The following CIITA variants were observed in gnomAD, a reference collection of about 807,000 sequenced individuals.
CIITA encodes the protein class II major histocompatibility complex transactivator.
Under a neutral mutation model 115.1 loss-of-function variants are expected in CIITA, and 72 were observed. The ratio of observed to expected loss-of-function variants is 0.63; its 90% CI spans 0.52 to 0.76. The LOEUF is 0.76. Ranked by LOEUF, CIITA falls within the 30% of genes least tolerant of loss-of-function variation. CIITA has a pLI of 0.00. For synonymous variants in CIITA, 763 were observed against 635.6 expected, an observed-to-expected ratio of 1.20 and a Z score of -3.02; for missense variants, 1,617 against 1,463.8, an observed-to-expected ratio of 1.10 and a Z score of -1.71.
intron 8 of CIITA, among the ~76,000 whole-genome samples, chr16:10,903,144 T>C (rs1017144952): frequency 1.3e-5 from 2 of 152,254 alleles, no homozygotes; most frequent in Admixed American, 1.3e-4. Flanking sequence ...AAGTGATGTT[T>C]ACAAGAATTC....
At position 10,906,649 on chromosome 16, in the gene CIITA, A is replaced by G. The variant is rs771846946; in HGVS notation, c.1157A>G (p.Asp386Gly). 1.9e-6 allele frequency: 3 copies of G among 1,613,860 alleles called. No homozygotes were observed. The highest frequency in any genetic ancestry group is 1.1e-5 in the South Asian group (1 of 91,078). Residue 386 changes from aspartate (D) to glycine (G), a missense_variant, in exon 11 of 20, where the codon GAC becomes GGC. Coordinates refer to ENST00000324288, the MANE Select transcript of CIITA (RefSeq NM_000246.4). ...KSLERELATP[D>G]WAERQLAQGG... ...CTGGAGCGGGAACTGGCCACCCCGG[A>G]CTGGGCAGAACGGCAGCTGGCCCAA...
In CIITA at chr16:10,879,816, C is replaced by T. The variant is rs2036237049; in HGVS notation, c.52+2434C>T. Among the ~76,000 whole-genome samples, 1 of 152,144 alleles carries T rather than the reference C, an allele frequency of 6.6e-6. No individual in the cohort carries two copies. Among genetic ancestry groups the T allele is most frequent in the South Asian group, 2.1e-4 (1 of 4,828 alleles). On this transcript the variant is annotated intron_variant, in intron 1 of 19. Coordinates refer to ENST00000324288, the MANE Select transcript of CIITA (RefSeq NM_000246.4). The surrounding 1 kb of genome is among the most constrained non-coding windows in gnomAD (Gnocchi z 4.3). ...CCCTGGGGTCCAGGAAAGCCGGAAT[C>T]GGAGCCACCATGCTTAGCTTAGTCT... is the stretch of plus-strand genomic sequence containing the variant.
rs763404027 is a variant in CIITA at position 10,877,327 on chromosome 16, C to T, written c.-4C>T. 7 of 1,612,692 alleles carry T rather than the reference C, an allele frequency of 4.3e-6. No homozygotes were observed. In the Admixed American group the frequency reaches 6.7e-5, roughly 15 times the overall value. Reference sequence around the variant, plus strand: ...AGCTGCTGCCTGGCTGGGATTCCTACACAATGCGTTGCCTGGCTCCACGCC... The same window carrying T: ...AGCTGCTGCCTGGCTGGGATTCCTATACAATGCGTTGCCTGGCTCCACGCC... On this transcript the variant is annotated 5_prime_UTR_variant, in exon 1 of 20. Coordinates refer to ENST00000324288, the MANE Select transcript of CIITA (RefSeq NM_000246.4).
rs975739362 is a variant in CIITA at position 10,925,751 on chromosome 16, G to A, written c.*1896G>A. 6.6e-6 allele frequency: 1 copy of A among 152,236 alleles called. No homozygotes were observed. The highest frequency in any genetic ancestry group is 1.5e-5 in the Non-Finnish European group (1 of 68,046). 9.4% of individuals were successfully genotyped at this position (152,236 alleles called of 1,614,324 possible). On this transcript the variant is annotated 3_prime_UTR_variant, in exon 20 of 20. Transcript: ENST00000324288. ...GCGTGCACACACCAGAGCCCACCTT[G>A]GCTCAAGTCCTCTTTTCTGAGAGGA...
chr16:10,883,015 T>C (rs2036581049), intron 1 of CIITA, among the ~76,000 whole-genome samples: 1 of 152,088 alleles, frequency 6.6e-6, no homozygotes, highest in Admixed American at 6.5e-5. Context: ...TAATTCTCAC[T>C]CACAGCCAAG....
At chr16:10,888,261 C>A (rs2037162584) in intron 1 of CIITA, 1 of 152,166 alleles carries the variant, frequency 6.6e-6, no homozygotes, top group Non-Finnish European at 1.5e-5. Flanking sequence ...TTATTATCCC[C>A]CACTTTACAG....
At position 10,941,809 on chromosome 16, in the gene CIITA, G is replaced by C. The variant is rs761510424; in HGVS notation, n.935G>C. On this transcript the variant is annotated non_coding_transcript_exon_variant, in exon 2 of 2. Coordinates refer to the CIITA transcript ENST00000573379. The surrounding 1 kb of genome is among the most constrained non-coding windows in gnomAD (Gnocchi z 6.4). ...GGAGAGCACGCCGAGGTCCACGAGC[G>C]CCTGGTCCATGTCCTCGGGCAGGAA... 6.2e-7 allele frequency: 1 copy of C among 1,613,636 alleles called. No individual in the cohort carries two copies. Among genetic ancestry groups the C allele is most frequent in the Admixed American group, 1.7e-5 (1 of 60,024 alleles).
chr16:10,874,268 G>A (rs2035682646), upstream of CIITA, among the ~76,000 whole-genome samples: 1 of 152,212 alleles, frequency 6.6e-6, no homozygotes, highest in African/African-American at 2.4e-5. Context: ...ACAGGCGTGA[G>A]CCACCACGCC....
At chr16:10,903,664 G>C in intron 8 of CIITA, 67 bp from the exon 9 acceptor site, 1 of 1,567,774 alleles carries the variant, frequency 6.4e-7, no homozygotes, top group African/African-American at 1.4e-5. Context: ...TGGAGTAGGG[G>C]TGACCCAAGT....
chr16:10,911,594 C>T lies in CIITA; in HGVS notation c.2888+1335C>T, dbSNP rs935169413. ...TCTTGAGGCAGAGTCTTACTCTGTC[C>T]CTCAGGCTGGAGTTCAGTGGCACAA... is the stretch of plus-strand genomic sequence containing the variant. On this transcript the variant is annotated intron_variant, in intron 13 of 19. Transcript: ENST00000324288. Among the ~76,000 whole-genome samples the T allele has an allele frequency of 2.0e-5, 3 of 151,060 alleles. No individual in the cohort carries two copies. In the South Asian group the frequency reaches 6.3e-4, roughly 32 times the overall value.
rs1470627422 is a variant in CIITA, at chr16:10,907,619, C to G, written c.2127C>G (p.Pro709=). Residue 709 remains proline (P), a synonymous_variant, in exon 11 of 20, where the codon CCC becomes CCG. Transcript: ENST00000324288. The surrounding 1 kb of genome is among the most constrained non-coding windows in gnomAD (Gnocchi z 5.0). The part of the protein sequence containing the change: ...PRAAESELAF[P]SFLLQCFLGA... ...CCGCAGAGTCCGAGCTGGCCTTCCC[C>G]AGCTTCCTCCTGCAATGCTTCCTGG... 6.2e-7 allele frequency: 1 copy of G among 1,614,236 alleles called. No individual in the cohort carries two copies. Among genetic ancestry groups the G allele is most frequent in the Non-Finnish European group, 8.5e-7 (1 of 1,180,028 alleles).
chr16:10,936,902 G>C (rs986398542), downstream of CIITA: 1 of 152,256 alleles, frequency 6.6e-6, no homozygotes, highest in African/African-American at 2.4e-5. Flanking sequence ...GCTTTCAGAA[G>C]TTCTGGGAGG....
In CIITA at chr16:10,923,345, G is replaced by A; in HGVS notation, c.*22+20G>A. 1 of 1,247,476 alleles carries A rather than the reference G, an allele frequency of 8.0e-7. No homozygotes were observed. The highest frequency in any genetic ancestry group is 1.2e-6 in the Non-Finnish European group (1 of 858,516). The allele number at this position is 1,247,476 out of a possible 1,614,324, so 77.3% of individuals were successfully genotyped here. On this transcript the variant is annotated intron_variant, in intron 19 of 19. Coordinates refer to ENST00000324288, the MANE Select transcript of CIITA (RefSeq NM_000246.4). The surrounding 1 kb of genome is among the most constrained non-coding windows in gnomAD (Gnocchi z 5.2). The stretch of plus-strand genomic sequence containing the variant: ...GACAGGGTAACCAGGGTGGGCTTGG[G>A]AGGGGAGAGCCGCAGTGGGTTGGGG...
chr16:10,900,914 T>C (rs1015123219), intron 5 of CIITA, among the ~76,000 whole-genome samples: 3 of 152,214 alleles, frequency 2.0e-5, no homozygotes, highest in Non-Finnish European at 4.4e-5. Context: ...CCATTCATTA[T>C]ATTTTTGGTA....
At chr16:10,914,343 G>T (rs2039802139) in intron 13 of CIITA, among the ~76,000 whole-genome samples, 1 of 152,214 alleles carries the variant, frequency 6.6e-6, no homozygotes, top group Non-Finnish European at 1.5e-5. Flanking sequence ...GTGGCCTTTT[G>T]CTGAGGCCAG....
chr16:10,899,905 C>T (rs538273295), intron 5 of CIITA, among the ~76,000 whole-genome samples: 1 of 152,230 alleles, frequency 6.6e-6, no homozygotes, highest in South Asian at 2.1e-4. Flanking sequence ...CATGGTGAAA[C>T]CGCGTCTCTA....
At chr16:10,906,053 C>T (rs1243192206) in intron 10 of CIITA, among the ~76,000 whole-genome samples, 7 of 152,118 alleles carry the variant, frequency 4.6e-5, no homozygotes, top group African/African-American at 1.7e-4. Context: ...ATTAGCCAGG[C>T]ATGGCAGTGG....
At chr16:10,890,433 C>T (rs1367833030) in intron 1 of CIITA, among the ~76,000 whole-genome samples, 2 of 152,120 alleles carry the variant, frequency 1.3e-5, no homozygotes, top group East Asian at 3.8e-4. Context: ...TCTACAGATG[C>T]ACATCACCAC....
chr16:10,901,755 G>T lies in CIITA; in HGVS notation c.481+197G>T, dbSNP rs1421748850. On this transcript the variant is annotated intron_variant, in intron 6 of 19. Transcript: ENST00000324288. This position sits in a 1 kb window ranked among gnomAD's most constrained non-coding sequence, Gnocchi z 6.8. ...CGACTGTTTGTGGAAGGTGGTAGGG[G>T]CTTGGAGCTAACAGATTGTTCATAG... is the stretch of plus-strand genomic sequence containing the variant. The T allele has an allele frequency of 1.5e-5, 10 of 677,010 alleles. No individual in the cohort carries two copies. The highest frequency in any genetic ancestry group is 8.0e-4 in the Middle Eastern group (2 of 2,490). The allele number at this position is 677,010 out of a possible 1,614,324, so 41.9% of individuals were successfully genotyped here.
Sources: gnomAD v4.1 joint callset for allele counts (sites outside exome capture counted in the v4.1 genomes callset) on GRCh38, gnomAD v4.1.1 for gene constraint, Gnocchi (gnomAD v3.1) non-coding constraint, MANE v1.5 for transcripts, NCBI Gene and HGNC (gene_info 2026-07-23, HGNC 2026-07-21) for gene names.